CDC42EP1: variants seen among roughly 807,000 people sequenced by gnomAD.
The protein encoded by CDC42EP1 is CDC42 effector protein 1, also known as 55 kDa bone marrow stromal/endothelial cell protein.
A neutral mutation model predicts 7.4 loss-of-function variants in CDC42EP1; 6 were observed. The observed-to-expected ratio is 0.81, with a 90% CI of 0.44 to 1.60. The LOEUF is 1.60. CDC42EP1 is among the 40% of genes most tolerant of loss of function. CDC42EP1 has a pLI of 0.01. For synonymous variants in CDC42EP1, 238 were observed against 227.1 expected, an observed-to-expected ratio of 1.05 and a Z score of -0.43; for missense variants, 567 against 539.0, an observed-to-expected ratio of 1.05 and a Z score of -0.51.
Position 37,568,453 on chromosome 22 carries a change from C to G in CDC42EP1, c.809C>G (p.Ala270Gly). ...CCTGCCGCAACCCCCACGGGTCCTG[C>G]TGCAAATCCCCCAGCCCCTGCCGCA... Reference protein sequence around the residue: ...SAPAATPTGPAANPPAPAASS... With the variant: ...SAPAATPTGPGANPPAPAASS... Residue 270 changes from alanine to glycine, a missense_variant, in exon 3 of 3, where the codon GCT (alanine) becomes GGT (glycine). Transcript: ENST00000249014. The G allele has an allele frequency of 1.3e-6, 2 of 1,594,264 alleles. No homozygotes were observed. The highest frequency in any genetic ancestry group is 1.7e-6 in the Non-Finnish European group (2 of 1,168,048).
In CDC42EP1 at chr22:37,566,705, C is replaced by T; in HGVS notation, c.356C>T (p.Ala119Val). The change falls in exon 2 of 3, where the codon GCC becomes GTC. Residue 119 changes from alanine (A) to valine (V), a missense_variant. Physicochemically the swap from Ala to Val is moderately conservative, Grantham distance 64 (BLOSUM62 0). Transcript: ENST00000249014. The surrounding 1 kb of genome is among the most constrained non-coding windows in gnomAD (Gnocchi z 6.4). ...GCCATCTCCCCCATCATCAAGAACG[C>T]CATCTCCCTGCCCCAGCTCAACCAG... ...PPAISPIIKN[A>V]ISLPQLNQAA... 6.2e-7 allele frequency: 1 copy of T among 1,612,478 alleles called. No homozygotes were observed. Among genetic ancestry groups the T allele is most frequent in the Non-Finnish European group, 8.5e-7 (1 of 1,179,152 alleles).
chr22:37,568,780 A>G lies in CDC42EP1; in HGVS notation c.1136A>G (p.Glu379Gly). The G allele has an allele frequency of 6.7e-7, 1 of 1,496,376 alleles. No individual in the cohort carries two copies. The highest frequency in any genetic ancestry group is 8.9e-7 in the Non-Finnish European group (1 of 1,121,612). 92.7% of individuals were successfully genotyped at this position (1,496,376 alleles called of 1,614,324 possible). ...AGCACAGTGCAAGCAAACACCTTTGAATTTGCGGATGCTGAGGAGGATGAT... is the reference window on the plus strand; with the variant it reads ...AGCACAGTGCAAGCAAACACCTTTGGATTTGCGGATGCTGAGGAGGATGAT... ...VPSTVQANTF[E>G]FADAEEDDEV... The change falls in exon 3 of 3, where the codon GAA (glutamate) becomes GGA (glycine). Residue 379 changes from glutamate (E) to glycine (G), a missense_variant. Physicochemically the swap from Glu to Gly is moderately conservative, Grantham distance 98 (BLOSUM62 -2). Transcript: ENST00000249014.
In CDC42EP1 at chr22:37,568,777, T is replaced by C. The variant is rs750551434; in HGVS notation, c.1133T>C (p.Phe378Ser). 4.0e-6 allele frequency: 6 copies of C among 1,496,202 alleles called. No homozygotes were observed. The highest frequency in any genetic ancestry group is 5.3e-6 in the Non-Finnish European group (6 of 1,121,540). 92.7% of individuals were successfully genotyped at this position (1,496,202 alleles called of 1,614,324 possible). The change falls in exon 3 of 3, where the codon TTT becomes TCT. Residue 378 changes from phenylalanine to serine, a missense_variant. By Grantham distance (155) the Phe-to-Ser change is radical. Transcript: ENST00000249014. ...CCCAGCACAGTGCAAGCAAACACCT[T>C]TGAATTTGCGGATGCTGAGGAGGAT... is the stretch of plus-strand genomic sequence containing the variant. ...PVPSTVQANT[F>S]EFADAEEDDE...
chr22:37,561,209 C>A (rs1443933609), intron 1 of CDC42EP1, among the ~76,000 whole-genome samples: 1 of 152,262 alleles, frequency 6.6e-6, no homozygotes, highest in Non-Finnish European at 1.5e-5. Flanking sequence ...GACTTCCAAT[C>A]CCGGCCGCCC....
At chr22:37,567,070 C>T (rs1010059574) in intron 2 of CDC42EP1, among the ~76,000 whole-genome samples, 2 of 152,168 alleles carry the variant, frequency 1.3e-5, no homozygotes, top group African/African-American at 4.8e-5. Flanking sequence ...GCACATCCCC[C>T]TCTCTGGGCC....
chr22:37,567,692 G>A (rs113447447), intron 2 of CDC42EP1, among the ~76,000 whole-genome samples: 2 of 152,214 alleles, frequency 1.3e-5, no homozygotes. Flanking sequence ...CCACAAACCA[G>A]CTCACGTGCT....
chr22:37,564,102 C>T (rs1925140411), intron 1 of CDC42EP1, among the ~76,000 whole-genome samples: 1 of 152,128 alleles, frequency 6.6e-6, no homozygotes. Context: ...GTGGATCTGA[C>T]CTCTAGCCAG....
At chr22:37,561,167 C>T (rs1335519333) in intron 1 of CDC42EP1, among the ~76,000 whole-genome samples, 1 of 152,238 alleles carries the variant, frequency 6.6e-6, no homozygotes, top group Non-Finnish European at 1.5e-5. Flanking sequence ...CCCGTCCCCC[C>T]AGGGAATGTT....
At position 37,566,534 on chromosome 22, in the gene CDC42EP1, C is replaced by A. The variant is rs201388894; in HGVS notation, c.185C>A (p.Ser62Tyr). The change falls in exon 2 of 3, where the codon TCC becomes TAC. Residue 62 changes from serine to tyrosine, a missense_variant. By Grantham distance (144) the Ser-to-Tyr change is moderately radical. Coordinates refer to ENST00000249014, the MANE Select transcript of CDC42EP1 (RefSeq NM_152243.3). This position sits in a 1 kb window ranked among gnomAD's most constrained non-coding sequence, Gnocchi z 6.4. ...GRGGDVFGDT[S>Y]FLSNHGGSSG... ...GGCGGGGATGTCTTCGGGGACACGTCCTTCCTCAGCAACCACGGTGGCAGC... is the reference window on the plus strand; with the variant it reads ...GGCGGGGATGTCTTCGGGGACACGTACTTCCTCAGCAACCACGGTGGCAGC... 1.9e-6 allele frequency: 3 copies of A among 1,610,738 alleles called. No individual in the cohort carries two copies. Among genetic ancestry groups the A allele is most frequent in the East Asian group, 4.5e-5 (2 of 44,802 alleles).
At chr22:37,567,389 C>T (rs1925283752) in intron 2 of CDC42EP1, among the ~76,000 whole-genome samples, 1 of 152,206 alleles carries the variant, frequency 6.6e-6, no homozygotes, top group African/African-American at 2.4e-5. Context: ...TGGGAAACCA[C>T]TCACAGGAAC....
rs745782429 is a variant in CDC42EP1 at position 37,568,584 on chromosome 22, G to A, written c.940G>A (p.Gly314Ser). The A allele has an allele frequency of 7.1e-5, 114 of 1,602,264 alleles. No individual in the cohort carries two copies. The highest frequency in any genetic ancestry group is 1.6e-4 in the African/African-American group (12 of 74,770). Residue 314 changes from glycine (G) to serine (S), a missense_variant, in exon 3 of 3, where the codon GGC (glycine) becomes AGC (serine). By Grantham distance (56) the Gly-to-Ser change is moderately conservative. Coordinates refer to ENST00000249014, the MANE Select transcript of CDC42EP1 (RefSeq NM_152243.3). ...PVGGGPRGPAGPALGRHWGAG... is the reference protein window; with the variant it reads ...PVGGGPRGPASPALGRHWGAG... The stretch of plus-strand genomic sequence containing the variant: ...GGGAGGGGGTCCCCGAGGACCTGCT[G>A]GCCCTGCCCTCGGCAGGCACTGGGG...
In CDC42EP1 at chr22:37,568,771, A is replaced by G. The variant is rs1376531871; in HGVS notation, c.1127A>G (p.Asn376Ser). The change falls in exon 3 of 3, where the codon AAC becomes AGC. Residue 376 changes from asparagine to serine, a missense_variant. Coordinates refer to ENST00000249014, the MANE Select transcript of CDC42EP1 (RefSeq NM_152243.3). ...RTPVPSTVQA[N>S]TFEFADAEED... is the part of the protein sequence containing the mutation. The stretch of plus-strand genomic sequence containing the variant: ...CCAGTGCCCAGCACAGTGCAAGCAA[A>G]CACCTTTGAATTTGCGGATGCTGAG... 1 of 1,500,486 alleles carries G rather than the reference A, an allele frequency of 6.7e-7. No individual in the cohort carries two copies. Among genetic ancestry groups the G allele is most frequent in the African/African-American group, 1.4e-5 (1 of 71,216 alleles). 92.9% of individuals were successfully genotyped at this position (1,500,486 alleles called of 1,614,324 possible).
At chr22:37,565,000 T>G (rs59089670) in intron 1 of CDC42EP1, among the ~76,000 whole-genome samples, 13,244 of 152,028 alleles carry the variant, frequency 0.087, 1,624 homozygotes, top group African/African-American at 0.27. Flanking sequence ...GGCTGGTCTC[T>G]AATTCCTGAC....
At position 37,568,696 on chromosome 22, in the gene CDC42EP1, G is replaced by C. The variant is rs372256178; in HGVS notation, c.1052G>C (p.Trp351Ser). The change falls in exon 3 of 3, where the codon TGG (tryptophan) becomes TCG (serine). Residue 351 changes from tryptophan to serine, a missense_variant. Transcript: ENST00000249014. ...GTGCTGCCCCAAGCCCGGGCCTCCTGGGAGAGCCTGGACGAAGAGTGGAGG... is the reference window on the plus strand; with the variant it reads ...GTGCTGCCCCAAGCCCGGGCCTCCTCGGAGAGCCTGGACGAAGAGTGGAGG... Reference protein sequence around the residue: ...VEVLPQARASWESLDEEWRAP... With the variant: ...VEVLPQARASSESLDEEWRAP... 6.5e-7 allele frequency: 1 copy of C among 1,541,228 alleles called. No individual in the cohort carries two copies. Among genetic ancestry groups the C allele is most frequent in the Non-Finnish European group, 8.7e-7 (1 of 1,143,546 alleles).
intron 1 of CDC42EP1, among the ~76,000 whole-genome samples, chr22:37,563,002 A>C (rs746944659): frequency 3.3e-5 from 5 of 152,144 alleles, no homozygotes; most frequent in Middle Eastern, 3.4e-3. Flanking sequence ...CCAGCTACTC[A>C]GGAGGCTGAG....
intron 1 of CDC42EP1, among the ~76,000 whole-genome samples, 151 bp downstream of exon 1, chr22:37,560,739 A>G (rs1412574803): frequency 1.3e-5 from 2 of 151,284 alleles, no homozygotes; most frequent in Non-Finnish European, 3.0e-5. Context: ...GCCCACAGGA[A>G]GGCCGGGCGC....
At chr22:37,564,224 T>C (rs543395962) in intron 1 of CDC42EP1, among the ~76,000 whole-genome samples, 3 of 146,738 alleles carry the variant, frequency 2.0e-5, no homozygotes, top group African/African-American at 7.7e-5. Flanking sequence ...TTAGAGAAGC[T>C]GGAGCAGGGG....
At position 37,568,405 on chromosome 22, in the gene CDC42EP1, CGCCTGCTGCAAACCCCTCA is replaced by C; in HGVS notation, c.764_782del (p.Pro255HisfsTer30). Reference sequence around the variant, plus strand: ...CCAGCCACTACTGCAAACCCCCCAGCGCCTGCTGCAAACCCCTCAGCACCTGCCGCAACCCCCACGGGTC... The same window carrying C: ...CCAGCCACTACTGCAAACCCCCCAGCGCACCTGCCGCAACCCCCACGGGTC... On this transcript the variant is annotated frameshift_variant, in exon 3 of 3. Transcript: ENST00000249014. LOFTEE classifies it low-confidence loss of function (END_TRUNC). 1 of 355,360 alleles carries C rather than the reference CGCCTGCTGCAAACCCCTCA, an allele frequency of 2.8e-6. No homozygotes were observed. Among genetic ancestry groups the C allele is most frequent in the Non-Finnish European group, 4.7e-6 (1 of 214,518 alleles). The allele number at this position is 355,360 out of a possible 1,614,324, so 22.0% of individuals were successfully genotyped here.
Position 37,566,567 on chromosome 22 carries a change from G to A in CDC42EP1, c.218G>A (p.Ser73Asn), listed in dbSNP as rs765059393. Residue 73 changes from serine (S) to asparagine (N), a missense_variant, in exon 2 of 3, where the codon AGC becomes AAC. Physicochemically the swap from Ser to Asn is conservative, Grantham distance 46. Transcript: ENST00000249014. The surrounding 1 kb of genome is among the most constrained non-coding windows in gnomAD (Gnocchi z 6.4). ...AGCAACCACGGTGGCAGCTCCGGGAGCACCCATCGCTCACCCCGCAGCTTC... is the reference window on the plus strand; with the variant it reads ...AGCAACCACGGTGGCAGCTCCGGGAACACCCATCGCTCACCCCGCAGCTTC... Reference protein sequence around the residue: ...FLSNHGGSSGSTHRSPRSFLA... With the variant: ...FLSNHGGSSGNTHRSPRSFLA... The A allele has an allele frequency of 2.5e-6, 4 of 1,606,640 alleles. 1 individual carries two copies. Among genetic ancestry groups the A allele is most frequent in the African/African-American group, 2.7e-5 (2 of 74,922 alleles).
Sources: gnomAD v4.1 joint callset for allele counts (sites outside exome capture counted in the v4.1 genomes callset) on GRCh38, gnomAD v4.1.1 for gene constraint, Gnocchi (gnomAD v3.1) non-coding constraint, MANE v1.5 for transcripts, NCBI Gene and HGNC (gene_info 2026-07-23, HGNC 2026-07-21) for gene names.